Variants in ANK3 observed in about 807,000 individuals in gnomAD.
ANK3 encodes ankyrin-3.
A neutral mutation model predicts 370.9 loss-of-function variants in ANK3; 57 were observed. That is an observed-to-expected ratio of 0.15 (90% confidence interval 0.12 to 0.19). The LOEUF is 0.19. Among genes scored for constraint, ANK3 ranks in the 10% least tolerant of loss-of-function variants. The probability of loss-of-function intolerance (pLI) is 1.00; values close to 1 mark genes in which losing one functional copy is unlikely to be tolerated. For synonymous variants in ANK3, 1,929 were observed against 1,946.3 expected (o/e 0.99, Z 0.23); for missense variants, 4,439 against 5,302.1 (o/e 0.84, Z 5.06).
At chr10:60,335,609 G>A (rs988163503) in intron 1 of ANK3, among the ~76,000 whole-genome samples, 5 of 152,106 alleles carry the variant, frequency 3.3e-5, no homozygotes, top group Non-Finnish European at 7.3e-5. Context: ...AGGCAATTTT[G>A]GAACTTAGGA....
At chr10:60,720,675 A>G (rs1414319677) in intron 1 of ANK3, among the ~76,000 whole-genome samples, 1 of 152,176 alleles carries the variant, frequency 6.6e-6, no homozygotes, top group Non-Finnish European at 1.5e-5. Context: ...ATGTGATCAC[A>G]GATCACAGCT....
At chr10:60,276,052 A>C (rs570567281) in intron 4 of ANK3, among the ~76,000 whole-genome samples, 4 of 152,004 alleles carry the variant, frequency 2.6e-5, no homozygotes, top group African/African-American at 9.7e-5. Flanking sequence ...AAGTACTAAA[A>C]GAAAGAGTTA....
chr10:60,702,612 A>G (rs954932423), intron 1 of ANK3, among the ~76,000 whole-genome samples: 1 of 152,170 alleles, frequency 6.6e-6, no homozygotes, highest in African/African-American at 2.4e-5. Flanking sequence ...TATTTTGAAA[A>G]CTTTCTATAT....
intron 4 of ANK3, among the ~76,000 whole-genome samples, chr10:60,277,218 C>A (rs1470016105): frequency 6.6e-6 from 1 of 152,044 alleles, no homozygotes; most frequent in South Asian, 2.1e-4. Flanking sequence ...TTCTGTGAAC[C>A]CATAAAACAG....
chr10:60,332,323 C>T (rs540670541), intron 1 of ANK3, among the ~76,000 whole-genome samples: 2 of 152,172 alleles, frequency 1.3e-5, no homozygotes, highest in African/African-American at 2.4e-5. Flanking sequence ...ATATTTAATA[C>T]AATGTGTCAA....
chr10:60,223,455 C>G (rs965102414), intron 8 of ANK3, among the ~76,000 whole-genome samples: 4 of 152,096 alleles, frequency 2.6e-5, no homozygotes, highest in Non-Finnish European at 4.4e-5. Flanking sequence ...TTTAATTTAA[C>G]ACTAGTTTAT....
At chr10:60,195,306 C>T (rs1225932344) in intron 16 of ANK3, among the ~76,000 whole-genome samples, 8 of 151,532 alleles carry the variant, frequency 5.3e-5, no homozygotes, top group Non-Finnish European at 1.2e-4. Context: ...ATGGCGTGAA[C>T]CCCGGAGGCG....
At chr10:60,129,560 T>C (rs1294455338) in intron 25 of ANK3, among the ~76,000 whole-genome samples, 1 of 152,180 alleles carries the variant, frequency 6.6e-6, no homozygotes, top group African/African-American at 2.4e-5. Context: ...GAGACAAGCC[T>C]GGGCAACATG....
chr10:60,051,823 G>A (rs1265720606), intron 42 of ANK3, among the ~76,000 whole-genome samples: 1 of 151,390 alleles, frequency 6.6e-6, no homozygotes, highest in Non-Finnish European at 1.5e-5. Flanking sequence ...AAAGATCAAG[G>A]TAGTTATAAG....
Position 60,097,302 on chromosome 10 carries a change from A to G in ANK3, c.3328+8603T>C, listed in dbSNP as rs1217027722. ...CCACTCTTTAACAGTGTCTTTGCAG[A>G]CTACCTCACACGAGTGGTGGTTGAT... On this transcript the variant is annotated intron_variant, in intron 28 of 43. Coordinates refer to ENST00000280772, the MANE Select transcript of ANK3 (RefSeq NM_020987.5). 5.3e-5 allele frequency among the ~76,000 whole-genome samples: 8 copies of G among 152,224 alleles called. No homozygotes were observed. In the South Asian group the frequency reaches 1.7e-3, roughly 31 times the overall value.
intron 2 of ANK3, among the ~76,000 whole-genome samples, chr10:60,572,207 C>G (rs552706677): frequency 6.6e-6 from 1 of 152,296 alleles, no homozygotes; most frequent in East Asian, 1.9e-4. Context: ...CTGAATATCA[C>G]TATGAAAAAC....
At chr10:60,497,149 A>T (rs191831802) in intron 2 of ANK3, among the ~76,000 whole-genome samples, 14 of 152,212 alleles carry the variant, frequency 9.2e-5, no homozygotes, top group Non-Finnish European at 1.5e-4. Flanking sequence ...AAAGAAATTT[A>T]AAAAATCAAC....
At chr10:60,222,793 G>A (rs2132491245) in intron 8 of ANK3, among the ~76,000 whole-genome samples, 1 of 152,036 alleles carries the variant, frequency 6.6e-6, no homozygotes, top group South Asian at 2.1e-4. Context: ...TCTTGCCCAC[G>A]CCATTTCATG....
At chr10:60,470,836 G>T (rs147317109) in intron 2 of ANK3, among the ~76,000 whole-genome samples, 4 of 151,992 alleles carry the variant, frequency 2.6e-5, no homozygotes, top group Non-Finnish European at 5.9e-5. Context: ...AAATAATAAC[G>T]TTTACAGAGA....
At chr10:60,091,679 C>T (rs571693041) in intron 28 of ANK3, among the ~76,000 whole-genome samples, 7 of 151,876 alleles carry the variant, frequency 4.6e-5, no homozygotes, top group Non-Finnish European at 8.8e-5. Flanking sequence ...GAGCAAGATG[C>T]ACAGCAATGT....
At chr10:60,513,252 T>G (rs1469147886) in intron 2 of ANK3, among the ~76,000 whole-genome samples, 2 of 152,110 alleles carry the variant, frequency 1.3e-5, no homozygotes, top group African/African-American at 4.8e-5. Context: ...CATCTAGGTG[T>G]GAGTAGCTAT....
At chr10:60,150,970 CTG>C (rs1442012300) in intron 23 of ANK3, among the ~76,000 whole-genome samples, 1 of 152,174 alleles carries the variant, frequency 6.6e-6, no homozygotes, top group Non-Finnish European at 1.5e-5. Flanking sequence ...GTTTCTGTAA[CTG>C]TGTGAACGTG....
At chr10:60,397,351 C>G (rs1009814777) in intron 2 of ANK3, among the ~76,000 whole-genome samples, 1 of 152,094 alleles carries the variant, frequency 6.6e-6, no homozygotes, top group African/African-American at 2.4e-5. Context: ...ATCTTATTTT[C>G]TTGGATTTAG....
At chr10:60,372,818 A>G (rs2060282019) in intron 1 of ANK3, among the ~76,000 whole-genome samples, 1 of 152,244 alleles carries the variant, frequency 6.6e-6, no homozygotes, top group Non-Finnish European at 1.5e-5. Context: ...ATTTAAATTC[A>G]GATGTCTACA....
Sources: gnomAD v4.1 joint callset for allele counts (sites outside exome capture counted in the v4.1 genomes callset) on GRCh38, gnomAD v4.1.1 for gene constraint, MANE v1.5 for transcripts, NCBI Gene and HGNC (gene_info 2026-07-23, HGNC 2026-07-21) for gene names.